Variants in PLCL2 observed in about 807,000 individuals in gnomAD.
The protein encoded by PLCL2 is phospholipase C like 2, also known as inactive phospholipase C-like protein 2.
A neutral mutation model predicts 79.6 loss-of-function variants in PLCL2; 4 were observed. The observed-to-expected ratio is 0.05, with a 90% CI of 0.02 to 0.11. PLCL2 has a LOEUF of 0.11. PLCL2 is among the 10% of genes least tolerant of loss of function. The probability of loss-of-function intolerance (pLI) is 1.00; values close to 1 mark genes in which losing one functional copy is unlikely to be tolerated. For missense variants in PLCL2, 895 were observed against 1,291.0 expected (o/e 0.69, Z 4.70); for synonymous variants, 484 against 457.7 (o/e 1.06, Z -0.73).
chr3:16,970,058 A>ATTTTT (rs139259596), intron 1 of PLCL2, among the ~76,000 whole-genome samples: 69 of 145,764 alleles, frequency 4.7e-4, no homozygotes, highest in East Asian at 1.2e-3. Context: ...ATATATATAT[A>ATTTTT]TTTTATTTTA....
intron 1 of PLCL2, among the ~76,000 whole-genome samples, chr3:16,966,466 G>T (rs553273834): frequency 2.3e-4 from 35 of 152,146 alleles, no homozygotes; most frequent in African/African-American, 8.2e-4. Context: ...CAAGGATATT[G>T]GTCTAAAATT....
At chr3:17,079,426 A>T (rs1197699915) in intron 5 of PLCL2, among the ~76,000 whole-genome samples, 3 of 152,226 alleles carry the variant, frequency 2.0e-5, no homozygotes, top group Non-Finnish European at 4.4e-5. Context: ...GGTGGAATTT[A>T]GCCCTTCCCA....
chr3:16,998,986 C>G (rs1161359565), intron 1 of PLCL2, among the ~76,000 whole-genome samples: 4 of 152,108 alleles, frequency 2.6e-5, no homozygotes, highest in Admixed American at 6.5e-5. Flanking sequence ...CTGAATAATT[C>G]CAGTCACAAA....
At chr3:17,017,644 T>C (rs1284304582) in intron 3 of PLCL2, among the ~76,000 whole-genome samples, 1 of 152,174 alleles carries the variant, frequency 6.6e-6, no homozygotes, top group Non-Finnish European at 1.5e-5. Flanking sequence ...TTCCCATGTA[T>C]AATGTATGGA....
At chr3:16,941,017 G>A (rs1697668044) in intron 1 of PLCL2, among the ~76,000 whole-genome samples, 1 of 152,086 alleles carries the variant, frequency 6.6e-6, no homozygotes, top group Non-Finnish European at 1.5e-5. Context: ...TCTGTACTCT[G>A]TAGGCTTGCT....
chr3:17,035,751 C>G (rs768906563), intron 3 of PLCL2: 36 of 516,188 alleles, frequency 7.0e-5, no homozygotes, highest in Non-Finnish European at 1.1e-4. Flanking sequence ...CCTCTTCTAT[C>G]CATGTTTCCT....
At chr3:17,014,021 T>C (rs2064356407) in intron 2 of PLCL2, among the ~76,000 whole-genome samples, 1 of 152,224 alleles carries the variant, frequency 6.6e-6, no homozygotes, top group Admixed American at 6.5e-5. Flanking sequence ...TAAGTGTTCA[T>C]AGAAGGCCAG....
intron 3 of PLCL2, chr3:17,035,655 C>T: frequency 2.5e-6 from 1 of 399,408 alleles, no homozygotes; most frequent in East Asian, 8.5e-5. Context: ...GTTCATAACA[C>T]CTCTGCTTAA....
chr3:17,016,193 T>A (rs188667871), intron 3 of PLCL2, among the ~76,000 whole-genome samples: 2 of 152,336 alleles, frequency 1.3e-5, no homozygotes, highest in East Asian at 3.9e-4. Flanking sequence ...AAACAAAGAT[T>A]CTAGAGAATA....
intron 4 of PLCL2, among the ~76,000 whole-genome samples, chr3:17,059,061 A>G (rs1245927418): frequency 6.6e-6 from 1 of 152,182 alleles, no homozygotes; most frequent in Non-Finnish European, 1.5e-5. Context: ...ATTGTTTCAG[A>G]GATTATTCTA....
rs931296592 is a variant in PLCL2, at chr3:17,090,275, T to C, written c.*363T>C. The stretch of plus-strand genomic sequence containing the variant: ...GATTGGATTGTCAAATTATTATTTA[T>C]TGGAGAAAAAAACCTGATCTACACA... On this transcript the variant is annotated 3_prime_UTR_variant, in exon 6 of 6. Coordinates refer to ENST00000615277, the MANE Select transcript of PLCL2 (RefSeq NM_001144382.2). 2.6e-5 allele frequency: 25 copies of C among 968,926 alleles called. No individual in the cohort carries two copies. In the African/African-American group the frequency reaches 4.5e-4, roughly 17 times the overall value. 60.0% of individuals were successfully genotyped at this position (968,926 alleles called of 1,614,324 possible). A position where few individuals can be genotyped will look rare whatever the true frequency, so the allele number is the denominator to read the frequency against.
chr3:16,998,806 T>C (rs554506392), intron 1 of PLCL2, among the ~76,000 whole-genome samples: 1 of 152,354 alleles, frequency 6.6e-6, no homozygotes, highest in African/African-American at 2.4e-5. Flanking sequence ...TACCCTTGTT[T>C]TAAAGGCAGA....
chr3:17,029,476 A>G (rs981852972), intron 3 of PLCL2, among the ~76,000 whole-genome samples: 1 of 152,016 alleles, frequency 6.6e-6, no homozygotes, highest in Non-Finnish European at 1.5e-5. Context: ...GGTTCAGTTA[A>G]GCTGCCTGAG....
At chr3:16,944,487 C>A (rs969418910) in intron 1 of PLCL2, among the ~76,000 whole-genome samples, 1 of 151,972 alleles carries the variant, frequency 6.6e-6, no homozygotes, top group African/African-American at 2.4e-5. Flanking sequence ...GAGATAGGGC[C>A]TTTAAAGAGG....
At chr3:16,915,981 AAC>A (rs539370738) in intron 1 of PLCL2, among the ~76,000 whole-genome samples, 2 of 152,330 alleles carry the variant, frequency 1.3e-5, no homozygotes, top group South Asian at 4.1e-4. Flanking sequence ...ACGAGCATGT[AAC>A]ACAGCCTGCT....
chr3:17,018,804 A>G (rs891230677), intron 3 of PLCL2, among the ~76,000 whole-genome samples: 4 of 152,198 alleles, frequency 2.6e-5, no homozygotes, highest in African/African-American at 9.7e-5. Flanking sequence ...TTGGTGATGA[A>G]TTCAACACCC....
At position 17,089,773 on chromosome 3, in the gene PLCL2, T is replaced by C; in HGVS notation, c.3245T>C (p.Leu1082Ser). 6.2e-7 allele frequency: 1 copy of C among 1,613,360 alleles called. No individual in the cohort carries two copies. The highest frequency in any genetic ancestry group is 8.5e-7 in the Non-Finnish European group (1 of 1,179,442). ...DLLKYAKNET[L>S]ENLKQIHFAA... ...TTGAAATATGCTAAGAATGAGACATTGGAGAACCTGAAACAAATCCATTTT... is the reference window on the plus strand; with the variant it reads ...TTGAAATATGCTAAGAATGAGACATCGGAGAACCTGAAACAAATCCATTTT... Residue 1082 changes from leucine (L) to serine (S), a missense_variant, in exon 6 of 6, where the codon TTG becomes TCG. Leu to Ser is a moderately radical substitution (Grantham distance 145). Around this residue, in one of 6 missense-constraint regions of PLCL2, gnomAD observed 298 missense variants for 459.6 expected, o/e 0.65. Coordinates refer to ENST00000615277, the MANE Select transcript of PLCL2 (RefSeq NM_001144382.2).
chr3:17,018,335 G>A (rs1482006311), intron 3 of PLCL2, among the ~76,000 whole-genome samples: 1 of 152,148 alleles, frequency 6.6e-6, no homozygotes, highest in African/African-American at 2.4e-5. Flanking sequence ...TAGCAGGGCT[G>A]GAAGGGGGCC....
intron 5 of PLCL2, among the ~76,000 whole-genome samples, chr3:17,069,294 G>T (rs905390543): frequency 3.3e-5 from 5 of 152,152 alleles, no homozygotes; most frequent in African/African-American, 1.2e-4. Flanking sequence ...GAACTGAATG[G>T]TCTGAGAAGG....
Sources: gnomAD v4.1 joint callset for allele counts (sites outside exome capture counted in the v4.1 genomes callset) on GRCh38, gnomAD v4.1.1 for gene constraint, gnomAD v4.1.1 regional missense constraint, MANE v1.5 for transcripts, NCBI Gene and HGNC (gene_info 2026-07-23, HGNC 2026-07-21) for gene names.